B3GALT1: variants seen among roughly 807,000 people sequenced by gnomAD.
The protein encoded by B3GALT1 is beta-1,3-galactosyltransferase 1.
B3GALT1 carries 10 observed loss-of-function variants against 23.2 expected under a neutral mutation model. The ratio of observed to expected loss-of-function variants is 0.43; its 90% CI spans 0.27 to 0.73. B3GALT1 has a LOEUF of 0.73. Ranked by LOEUF, B3GALT1 falls within the 30% of genes least tolerant of loss-of-function variation. The pLI, the probability that B3GALT1 is intolerant of heterozygous loss-of-function variation, is 0.21. For missense variants in B3GALT1, 299 were observed against 405.4 expected, an observed-to-expected ratio of 0.74 and a Z score of 2.25; for synonymous variants, 156 against 141.5, an observed-to-expected ratio of 1.10 and a Z score of -0.73.
intron 3 of B3GALT1, among the ~76,000 whole-genome samples, chr2:167,658,738 A>C (rs912257474): frequency 6.6e-6 from 1 of 152,128 alleles, no homozygotes; most frequent in Non-Finnish European, 1.5e-5. Flanking sequence ...ACTTATTTCT[A>C]TGAAGTATAA....
At chr2:167,861,634 C>T (rs562541299) in intron 4 of B3GALT1, among the ~76,000 whole-genome samples, 1 of 152,290 alleles carries the variant, frequency 6.6e-6, no homozygotes, top group Admixed American at 6.5e-5. Flanking sequence ...CAGATGTCAC[C>T]TCCTTAGAGA....
chr2:167,713,596 G>A (rs1179867390), intron 3 of B3GALT1: 8 of 939,388 alleles, frequency 8.5e-6, no homozygotes, highest in Non-Finnish European at 9.9e-6. Context: ...AGTAACAGCA[G>A]TTACTTAAAC....
intron 1 of B3GALT1, among the ~76,000 whole-genome samples, chr2:167,320,363 T>C (rs965398162): frequency 1.6e-4 from 24 of 151,852 alleles, no homozygotes; most frequent in African/African-American, 3.4e-4. Context: ...CTAATTTTTA[T>C]ATATTTTGGT....
intron 3 of B3GALT1, among the ~76,000 whole-genome samples, chr2:167,670,974 G>A (rs2105483416): frequency 6.6e-6 from 1 of 152,262 alleles, no homozygotes; most frequent in East Asian, 1.9e-4. Context: ...TATATAGGCT[G>A]AAAGTGAAGG....
At chr2:167,766,611 A>G (rs1454411243) in intron 3 of B3GALT1, among the ~76,000 whole-genome samples, 1 of 152,186 alleles carries the variant, frequency 6.6e-6, no homozygotes, top group Non-Finnish European at 1.5e-5. Flanking sequence ...ACTTTTTAAG[A>G]TTGGGAAACA....
intron 3 of B3GALT1, among the ~76,000 whole-genome samples, chr2:167,675,084 T>C (rs1686400650): frequency 1.3e-5 from 2 of 152,190 alleles, no homozygotes; most frequent in Non-Finnish European, 2.9e-5. Context: ...CCTGTGCACC[T>C]TGGTGGCTGA....
At chr2:167,570,756 C>T (rs1235238425) in intron 2 of B3GALT1, among the ~76,000 whole-genome samples, 1 of 151,678 alleles carries the variant, frequency 6.6e-6, no homozygotes, top group African/African-American at 2.4e-5. Flanking sequence ...TGTTTTACCA[C>T]CCCCCAATTT....
chr2:167,478,211 G>C (rs1574095897), intron 1 of B3GALT1, among the ~76,000 whole-genome samples: 1 of 152,290 alleles, frequency 6.6e-6, no homozygotes, highest in South Asian at 2.1e-4. Context: ...TGCTTTACCT[G>C]CTCTCCCTTC....
At chr2:167,835,210 G>A (rs545813194) in intron 4 of B3GALT1, among the ~76,000 whole-genome samples, 5 of 152,182 alleles carry the variant, frequency 3.3e-5, no homozygotes, top group South Asian at 2.1e-4. Flanking sequence ...CACCATGCGC[G>A]AGCCGAAGCA....
intron 2 of B3GALT1, among the ~76,000 whole-genome samples, chr2:167,536,234 A>C (rs1033314674): frequency 1.3e-5 from 2 of 152,124 alleles, no homozygotes; most frequent in African/African-American, 4.8e-5. Context: ...ATTGCAGTCC[A>C]TGCCAGATAC....
intron 2 of B3GALT1, among the ~76,000 whole-genome samples, chr2:167,602,619 G>C (rs1416744444): frequency 6.6e-6 from 1 of 152,096 alleles, no homozygotes; most frequent in Non-Finnish European, 1.5e-5. Flanking sequence ...GTCTTGATAA[G>C]CTACTAGCCA....
intron 4 of B3GALT1, among the ~76,000 whole-genome samples, chr2:167,840,730 T>C (rs1689626661): frequency 2.0e-5 from 3 of 151,362 alleles, no homozygotes; most frequent in African/African-American, 7.3e-5. Context: ...TGCACATGTA[T>C]GTTTATTGCG....
intron 1 of B3GALT1, among the ~76,000 whole-genome samples, chr2:167,303,065 C>G (rs1696475790): frequency 6.6e-6 from 1 of 151,878 alleles, no homozygotes; most frequent in Non-Finnish European, 1.5e-5. Flanking sequence ...TATATTTGAG[C>G]AAATAATAAA....
In B3GALT1 at chr2:167,734,871, T is replaced by G. The variant is rs576946880; in HGVS notation, c.-351-83801T>G. Among the ~76,000 whole-genome samples the G allele has an allele frequency of 3.9e-5, 6 of 152,316 alleles. No individual in the cohort carries two copies. The South Asian group carries it at 1.2e-3, about 32-fold the overall frequency. On this transcript the variant is annotated intron_variant, in intron 3 of 4. Coordinates refer to ENST00000392690, the MANE Select transcript of B3GALT1 (RefSeq NM_020981.4). ...CTTTTATATCTTTTTCCATCCATCTTTCTTTGCTTGATTTCCAACTATTTT... is the reference window on the plus strand; with the variant it reads ...CTTTTATATCTTTTTCCATCCATCTGTCTTTGCTTGATTTCCAACTATTTT...
chr2:167,758,084 T>C (rs1273761230), intron 3 of B3GALT1, among the ~76,000 whole-genome samples: 1 of 152,210 alleles, frequency 6.6e-6, no homozygotes, highest in Non-Finnish European at 1.5e-5. Context: ...AGTAGCATTA[T>C]AATAGGTTTT....
chr2:167,575,761 A>G (rs1034406117), intron 2 of B3GALT1, among the ~76,000 whole-genome samples: 1 of 151,796 alleles, frequency 6.6e-6, no homozygotes, highest in Admixed American at 6.6e-5. Context: ...ATTTCACTCT[A>G]TCTCTGTATC....
chr2:167,562,930 G>A (rs1684039944), intron 2 of B3GALT1, among the ~76,000 whole-genome samples: 1 of 152,026 alleles, frequency 6.6e-6, no homozygotes, highest in Non-Finnish European at 1.5e-5. Context: ...ACCCTGAGTG[G>A]ACACAGCACA....
intron 3 of B3GALT1, among the ~76,000 whole-genome samples, chr2:167,685,693 T>C (rs1686607911): frequency 6.6e-6 from 1 of 152,190 alleles, no homozygotes; most frequent in Non-Finnish European, 1.5e-5. Context: ...CTTATAAGGC[T>C]TTGTGGACCA....
chr2:167,641,056 CACCTAGTA>C (rs1225772994), intron 2 of B3GALT1, among the ~76,000 whole-genome samples: 1 of 152,154 alleles, frequency 6.6e-6, no homozygotes, highest in African/African-American at 2.4e-5. Context: ...CCTAATCCTA[CACCTAGTA>C]AACAGTAATT....
Sources: allele counts gnomAD v4.1 joint callset (sites outside exome capture counted in the v4.1 genomes callset), GRCh38; gene constraint gnomAD v4.1.1; transcripts MANE v1.5; gene names NCBI Gene and HGNC (gene_info 2026-07-23, HGNC 2026-07-21).